Variants in KLF11 observed in about 807,000 individuals in gnomAD.
KLF11 encodes the protein Krueppel-like factor 11.
In KLF11, 26 loss-of-function variants were observed where a neutral mutation model predicts 29.9. The ratio of observed to expected loss-of-function variants is 0.87; its 90% CI spans 0.64 to 1.21. The LOEUF is 1.21. KLF11 is among the 50% of genes most tolerant of loss of function. KLF11 has a pLI of 0.00. For synonymous variants in KLF11, 318 were observed against 257.4 expected (o/e 1.24, Z -2.25); for missense variants, 778 against 665.7 (o/e 1.17, Z -1.86).
intron 1 of KLF11, 111 bp downstream of exon 1, chr2:10,043,869 C>G: frequency 8.9e-7 from 1 of 1,118,564 alleles, no homozygotes; most frequent in Non-Finnish European, 1.1e-6. Flanking sequence ...GCGTGCAGGG[C>G]TTCGCTGCGG....
intron 3 of KLF11, among the ~76,000 whole-genome samples, chr2:10,048,907 CCTTTTTTTTTTT>C (rs1351122982): frequency 2.2e-5 from 2 of 89,814 alleles, no homozygotes; most frequent in Admixed American, 1.6e-4. Context: ...GACGTTTCAT[CCTTTTTTTTTTT>C]TTTTTTTTTT....
At chr2:10,045,211 A>G (rs549291379) in intron 1 of KLF11, among the ~76,000 whole-genome samples, 1 of 152,152 alleles carries the variant, frequency 6.6e-6, no homozygotes, top group Non-Finnish European at 1.5e-5. Flanking sequence ...GGATCGCCTG[A>G]GGTCAGGAGT....
chr2:10,051,483 A>G (rs1331638511), intron 3 of KLF11, among the ~76,000 whole-genome samples: 1 of 152,126 alleles, frequency 6.6e-6, no homozygotes, highest in African/African-American at 2.4e-5. Context: ...CTGGGATTAC[A>G]GGCGTGAGCC....
At chr2:10,051,128 T>C (rs1317221418) in intron 3 of KLF11, among the ~76,000 whole-genome samples, 1 of 151,908 alleles carries the variant, frequency 6.6e-6, no homozygotes, top group African/African-American at 2.4e-5. Flanking sequence ...CAGGATGGTC[T>C]CCATCTCCTG....
rs1172946920 is a variant in KLF11 at position 10,048,593 on chromosome 2, C to CAGGT, written c.1258_1258+3dup. 1 of 1,598,692 alleles carries CAGGT rather than the reference C, an allele frequency of 6.3e-7. No homozygotes were observed. The highest frequency in any genetic ancestry group is 2.2e-5 in the East Asian group (1 of 44,874). On this transcript the variant is annotated frameshift_variant and splice_region_variant, in exon 3 of 4. Coordinates refer to ENST00000305883, the MANE Select transcript of KLF11 (RefSeq NM_003597.5). LOFTEE classifies it high-confidence loss of function. Reference sequence around the variant, plus strand: ...CTTAAGGCCCATCTTCGCACTCACACAGGTAAGCGCTGGGGCAGGTGGGGC... The same window carrying CAGGT: ...CTTAAGGCCCATCTTCGCACTCACACAGGTAGGTAAGCGCTGGGGCAGGTGGGGC...
In KLF11 at chr2:10,054,558, T is replaced by A. The variant is rs1661499327; in HGVS notation, c.*2051T>A. On this transcript the variant is annotated 3_prime_UTR_variant, in exon 4 of 4. Coordinates refer to ENST00000305883, the MANE Select transcript of KLF11 (RefSeq NM_003597.5). ...GAAACAGTTCCTGTCTGAAAACTCT[T>A]CTGAGAACCACAAACCTTGTGTATG... The A allele has an allele frequency of 6.5e-6, 1 of 152,684 alleles. No individual in the cohort carries two copies. The highest frequency in any genetic ancestry group is 6.5e-5 in the Admixed American group (1 of 15,288). The allele number at this position is 152,684 out of a possible 1,614,324, so 9.5% of individuals were successfully genotyped here.
chr2:10,044,539 C>T (rs1331731091), intron 1 of KLF11: 2 of 720,922 alleles, frequency 2.8e-6, no homozygotes, highest in Non-Finnish European at 3.4e-6. Context: ...TTTGAGGTGG[C>T]CTCGTCTTGT....
rs899762606 is a variant in KLF11, at chr2:10,049,876, G to A, written c.1258+1281G>A. ...GGACGTGGGGCTGTGTCAGGGAACG[G>A]GTGTTTCTGAGGGGAATTGACCTGC... On this transcript the variant is annotated intron_variant, in intron 3 of 3. Coordinates refer to ENST00000305883, the MANE Select transcript of KLF11 (RefSeq NM_003597.5). Among the ~76,000 whole-genome samples the A allele has an allele frequency of 2.6e-5, 4 of 152,124 alleles. No homozygotes were observed. The South Asian group carries it at 6.2e-4, about 24-fold the overall frequency.
intron 1 of KLF11, 107 bp from the exon 2 acceptor site, chr2:10,046,043 C>T: frequency 8.1e-7 from 1 of 1,228,504 alleles, no homozygotes. Flanking sequence ...ATTGCATGTG[C>T]ATTACATGCC....
chr2:10,043,979 C>T (rs1661082866), intron 1 of KLF11: 4 of 873,924 alleles, frequency 4.6e-6, no homozygotes, highest in Middle Eastern at 5.7e-4. Context: ...GCGTGTTCCC[C>T]GCGCAGCTTT....
At chr2:10,047,139 C>T (rs1011700051) in intron 2 of KLF11, among the ~76,000 whole-genome samples, 2 of 152,064 alleles carry the variant, frequency 1.3e-5, no homozygotes, top group African/African-American at 4.8e-5. Context: ...CCGTGGCAGC[C>T]GACTCCTTAA....
intron 1 of KLF11, among the ~76,000 whole-genome samples, chr2:10,045,268 A>C (rs1021731142): frequency 6.6e-6 from 1 of 152,128 alleles, no homozygotes; most frequent in Non-Finnish European, 1.5e-5. Flanking sequence ...TCTACTAAAA[A>C]TACGAAATTT....
At chr2:10,051,833 A>G (rs1390914373) in intron 3 of KLF11, among the ~76,000 whole-genome samples, 1 of 152,070 alleles carries the variant, frequency 6.6e-6, no homozygotes, top group Non-Finnish European at 1.5e-5. Flanking sequence ...TACATTTTTA[A>G]TTAATTTATT....
At position 10,043,771 on chromosome 2, in the gene KLF11, G is replaced by T. The variant is rs1558344301; in HGVS notation, c.42+13G>T. On this transcript the variant is annotated intron_variant, in intron 1 of 3. Transcript: ENST00000305883. ...CGACGCGCGCGCAGTGAGTGGTGGG[G>T]CTGCCGCGGCGGGACTACTCGTCTG... 18 of 1,373,034 alleles carry T rather than the reference G, an allele frequency of 1.3e-5. No homozygotes were observed. Among genetic ancestry groups the T allele is most frequent in the Non-Finnish European group, 1.6e-5 (17 of 1,046,228 alleles). 85.1% of individuals were successfully genotyped at this position (1,373,034 alleles called of 1,614,324 possible). A position where few individuals can be genotyped will look rare whatever the true frequency, so the allele number is the denominator to read the frequency against.
Position 10,047,406 on chromosome 2 carries a change from G to C in KLF11, c.313-244G>C, listed in dbSNP as rs55848997. Among the ~76,000 whole-genome samples, 11,994 of 152,252 alleles carry C rather than the reference G, an allele frequency of 0.079. 566 individuals are homozygous for C. The highest frequency in any genetic ancestry group is 0.21 in the Middle Eastern group (63 of 294). ...GGGTTGCAGAAGTGGTGGGCCTGGCGGCCAGGAGCTCCTCTCAGAGTTCCC... is the reference window on the plus strand; with the variant it reads ...GGGTTGCAGAAGTGGTGGGCCTGGCCGCCAGGAGCTCCTCTCAGAGTTCCC... On this transcript the variant is annotated intron_variant, in intron 2 of 3. Transcript: ENST00000305883.
At chr2:10,046,567 C>G in intron 2 of KLF11, 148 bp downstream of exon 2, 1 of 922,348 alleles carries the variant, frequency 1.1e-6, no homozygotes, top group Non-Finnish European at 1.7e-6. Context: ...AGTAGAAACT[C>G]TTCCTTTGGC....
chr2:10,044,237 A>G, intron 1 of KLF11: 3 of 966,712 alleles, frequency 3.1e-6, no homozygotes, highest in Non-Finnish European at 3.7e-6. Context: ...GGGGGCGGGC[A>G]AGGTCTAGGG....
rs1661454650 is a variant in KLF11 at position 10,053,037 on chromosome 2, C to A, written c.*530C>A. Reference sequence around the variant, plus strand: ...TTCCACTACAAAAACCACAAGTTATCTGGCCTTTTAGATCTTTTTGGAATC... The same window carrying A: ...TTCCACTACAAAAACCACAAGTTATATGGCCTTTTAGATCTTTTTGGAATC... On this transcript the variant is annotated 3_prime_UTR_variant, in exon 4 of 4. Transcript: ENST00000305883. The A allele has an allele frequency of 1.8e-5, 7 of 390,614 alleles. No individual in the cohort carries two copies. Among genetic ancestry groups the A allele is most frequent in the Non-Finnish European group, 3.2e-5 (7 of 221,926 alleles). The allele number at this position is 390,614 out of a possible 1,614,324, so 24.2% of individuals were successfully genotyped here. A position where few individuals can be genotyped will look rare whatever the true frequency, so the allele number is the denominator to read the frequency against.
chr2:10,045,475 C>T (rs542974334), intron 1 of KLF11, among the ~76,000 whole-genome samples: 1 of 152,096 alleles, frequency 6.6e-6, no homozygotes, highest in South Asian at 2.1e-4. Context: ...CCAGCCTGGG[C>T]AACTGAGACT....
Sources: gnomAD v4.1 joint callset for allele counts (sites outside exome capture counted in the v4.1 genomes callset) on GRCh38, gnomAD v4.1.1 for gene constraint, MANE v1.5 for transcripts, NCBI Gene and HGNC (gene_info 2026-07-23, HGNC 2026-07-21) for gene names.